The following GALNTL6 variants were observed in gnomAD, a reference collection of about 807,000 sequenced individuals.
GALNTL6 encodes the protein polypeptide N-acetylgalactosaminyltransferase like 6.
GALNTL6 carries 46 observed loss-of-function variants against 73.7 expected under a neutral mutation model. That is an observed-to-expected ratio of 0.62 (90% CI 0.49 to 0.80). The LOEUF is 0.80. GALNTL6 is among the 30% of genes least tolerant of loss of function. The pLI, the probability that GALNTL6 is intolerant of heterozygous loss-of-function variation, is 0.00. For missense variants in GALNTL6, 604 were observed against 755.0 expected (o/e 0.80, Z 2.34); for synonymous variants, 259 against 263.7 (o/e 0.98, Z 0.17).
intron 2 of GALNTL6, among the ~76,000 whole-genome samples, chr4:172,054,335 T>C (rs965095680): frequency 3.9e-5 from 6 of 152,322 alleles, no homozygotes; most frequent in African/African-American, 1.4e-4. Flanking sequence ...GCACATTTTA[T>C]ATTTTACATA....
chr4:172,185,589 T>C (rs1390587180), intron 2 of GALNTL6, among the ~76,000 whole-genome samples: 1 of 152,226 alleles, frequency 6.6e-6, no homozygotes, highest in Non-Finnish European at 1.5e-5. Flanking sequence ...ATAAATCATC[T>C]TTATAACTGG....
intron 5 of GALNTL6, among the ~76,000 whole-genome samples, chr4:172,383,313 G>A (rs897449431): frequency 7.2e-5 from 11 of 151,864 alleles, no homozygotes; most frequent in African/African-American, 1.9e-4. Flanking sequence ...AGTCTTCAAT[G>A]TACAATTATT....
intron 5 of GALNTL6, among the ~76,000 whole-genome samples, chr4:172,382,638 T>C (rs148383054): frequency 6.6e-6 from 1 of 152,190 alleles, no homozygotes; most frequent in African/African-American, 2.4e-5. Context: ...TGTCTCATAC[T>C]TTTGGTGTTA....
chr4:173,007,491 GGCGAA>G (rs1561082653), intron 10 of GALNTL6, among the ~76,000 whole-genome samples: 4 of 152,134 alleles, frequency 2.6e-5, no homozygotes, highest in African/African-American at 7.2e-5. Context: ...CAGGAAGATT[GGCGAA>G]ACCTTCAAGC....
chr4:172,450,239 C>T (rs1396799992), intron 5 of GALNTL6, among the ~76,000 whole-genome samples: 1 of 148,940 alleles, frequency 6.7e-6, no homozygotes, highest in Non-Finnish European at 1.5e-5. Context: ...AACAAACAAA[C>T]TTCCTCCCCC....
intron 3 of GALNTL6, among the ~76,000 whole-genome samples, chr4:172,283,850 C>A (rs1739154018): frequency 6.6e-6 from 1 of 152,146 alleles, no homozygotes; most frequent in South Asian, 2.1e-4. Flanking sequence ...ATATTTTAGA[C>A]CATTCATCAC....
rs143941607 is a variant in GALNTL6, at chr4:173,021,569, G to A, written c.1582G>A (p.Val528Ile). The change falls in exon 12 of 13, where the codon GTT becomes ATT. Residue 528 changes from valine to isoleucine, a missense_variant. This residue lies in a region of GALNTL6 where 261 missense variants were observed against 296.5 expected (regional missense o/e 0.88). Coordinates refer to ENST00000506823, the MANE Select transcript of GALNTL6 (RefSeq NM_001034845.3). ...TGATGCGATCTCACACAACAGCCCCGTTACACTCTATGACTGTCATGGCAT... is the reference window on the plus strand; with the variant it reads ...TGATGCGATCTCACACAACAGCCCCATTACACTCTATGACTGTCATGGCAT... Reference protein sequence around the residue: ...CFDAISHNSPVTLYDCHGMKG... With the variant: ...CFDAISHNSPITLYDCHGMKG... The A allele has an allele frequency of 7.1e-5, 114 of 1,614,118 alleles. No homozygotes were observed. Among genetic ancestry groups the A allele is most frequent in the Admixed American group, 4.7e-4 (28 of 60,014 alleles).
intron 4 of GALNTL6, among the ~76,000 whole-genome samples, chr4:172,339,257 C>CCACACACACA (rs70941402): frequency 0.023 from 2,798 of 120,924 alleles, 79 homozygotes; most frequent in East Asian, 0.044. Flanking sequence ...CACACACACA[C>CCACACACACA]CACACACACA....
At chr4:172,284,599 C>G (rs1739183914) in intron 3 of GALNTL6, among the ~76,000 whole-genome samples, 1 of 152,056 alleles carries the variant, frequency 6.6e-6, no homozygotes, top group Non-Finnish European at 1.5e-5. Flanking sequence ...AGGGTTTCTT[C>G]TAGTATTTTT....
chr4:172,403,098 G>A (rs548373880), intron 5 of GALNTL6, among the ~76,000 whole-genome samples: 1 of 152,148 alleles, frequency 6.6e-6, no homozygotes, highest in Non-Finnish European at 1.5e-5. Context: ...CTAGTTAGTT[G>A]TTCAAAGATA....
intron 3 of GALNTL6, among the ~76,000 whole-genome samples, chr4:172,273,519 C>T (rs965406351): frequency 6.6e-6 from 1 of 152,056 alleles, no homozygotes; most frequent in Non-Finnish European, 1.5e-5. Context: ...ATAATTAATG[C>T]TGAGAAACAC....
intron 9 of GALNTL6, among the ~76,000 whole-genome samples, chr4:172,950,478 G>C (rs948952775): frequency 1.1e-4 from 17 of 152,138 alleles, no homozygotes; most frequent in Admixed American, 3.9e-4. Context: ...AGCCCTTCTT[G>C]GTGCCCACCG....
intron 10 of GALNTL6, among the ~76,000 whole-genome samples, chr4:172,956,680 G>A (rs996866082): frequency 7.2e-5 from 11 of 152,206 alleles, no homozygotes; most frequent in Admixed American, 1.3e-4. Flanking sequence ...AAAAAGAAGC[G>A]TCTATACAGG....
chr4:172,026,711 C>T (rs976230023), intron 2 of GALNTL6, among the ~76,000 whole-genome samples: 3 of 151,890 alleles, frequency 2.0e-5, no homozygotes, highest in Non-Finnish European at 2.9e-5. Flanking sequence ...TCTATTGGGG[C>T]GAGTGGATTG....
At chr4:172,842,738 G>A (rs1054229760) in intron 7 of GALNTL6, among the ~76,000 whole-genome samples, 1 of 151,386 alleles carries the variant, frequency 6.6e-6, no homozygotes, top group African/African-American at 2.4e-5. Flanking sequence ...GAGTAAGAGG[G>A]TTTCTCATAT....
intron 2 of GALNTL6, among the ~76,000 whole-genome samples, chr4:172,106,227 A>G (rs1045396381): frequency 6.6e-6 from 1 of 152,190 alleles, no homozygotes; most frequent in Non-Finnish European, 1.5e-5. Context: ...TTCAACAATA[A>G]AAATACAGTT....
At chr4:172,227,153 C>G (rs1736895546) in intron 2 of GALNTL6, among the ~76,000 whole-genome samples, 1 of 152,026 alleles carries the variant, frequency 6.6e-6, no homozygotes, top group Admixed American at 6.6e-5. Flanking sequence ...TAGGCTATTT[C>G]CCACATGGTT....
chr4:172,695,089 A>C (rs1413155525), intron 5 of GALNTL6, among the ~76,000 whole-genome samples: 1 of 152,252 alleles, frequency 6.6e-6, no homozygotes, highest in Non-Finnish European at 1.5e-5. Context: ...GATAGTATAT[A>C]GTGTGTCCAT....
intron 5 of GALNTL6, among the ~76,000 whole-genome samples, chr4:172,801,181 G>T (rs140783439): frequency 4.6e-5 from 7 of 152,070 alleles, no homozygotes; most frequent in African/African-American, 2.4e-5. Context: ...AGTAATGAAC[G>T]TGCAAATCAA....
Sources: allele counts gnomAD v4.1 joint callset (sites outside exome capture counted in the v4.1 genomes callset), GRCh38; gene constraint gnomAD v4.1.1; regional missense constraint gnomAD v4.1.1; transcripts MANE v1.5; gene names NCBI Gene and HGNC (gene_info 2026-07-23, HGNC 2026-07-21).